COL4A1: variants seen among roughly 807,000 people sequenced by gnomAD.
COL4A1 encodes the protein collagen alpha-1(IV) chain.
COL4A1 carries 40 observed loss-of-function variants against 216.6 expected under a neutral mutation model. The ratio of observed to expected loss-of-function variants is 0.18; its 90% CI spans 0.14 to 0.24. COL4A1 has a LOEUF of 0.24. Ranked by LOEUF, COL4A1 falls within the 10% of genes least tolerant of loss-of-function variation. The pLI is 1.00. For synonymous variants in COL4A1, 839 were observed against 810.7 expected, an observed-to-expected ratio of 1.03 and a Z score of -0.59; for missense variants, 1,628 against 2,196.8, an observed-to-expected ratio of 0.74 and a Z score of 5.18.
intron 2 of COL4A1, among the ~76,000 whole-genome samples, chr13:110,218,123 T>TG: frequency 6.6e-6 from 1 of 152,038 alleles, no homozygotes. Context: ...CTTCTAAATG[T>TG]GGGGGGAAAA....
At chr13:110,217,171 G>A (rs1566382627) in intron 2 of COL4A1, among the ~76,000 whole-genome samples, 1 of 152,198 alleles carries the variant, frequency 6.6e-6, no homozygotes, top group Non-Finnish European at 1.5e-5. Context: ...AGAGCAAACG[G>A]ACAGAATAAG....
chr13:110,175,239 G>T lies in COL4A1; in HGVS notation c.3177C>A (p.Ile1059=), dbSNP rs1311820480. 6.2e-7 allele frequency: 1 copy of T among 1,614,076 alleles called. No homozygotes were observed. Among genetic ancestry groups the T allele is most frequent in the Non-Finnish European group, 8.5e-7 (1 of 1,180,022 alleles). The change falls in exon 37 of 52, where the codon ATC becomes ATA. Residue 1059 remains isoleucine, a synonymous_variant. Transcript: ENST00000375820. ...TTACCTTTTCACCTCGCAGCCCTGGGATGCCTATGCCAGGTGGGCCTGCCT... is the reference window on the plus strand; with the variant it reads ...TTACCTTTTCACCTCGCAGCCCTGGTATGCCTATGCCAGGTGGGCCTGCCT... ...KGQAGPPGIG[I]PGLRGEKGDQ...
chr13:110,219,658 A>G (rs561888973), intron 2 of COL4A1, among the ~76,000 whole-genome samples: 12 of 101,572 alleles, frequency 1.2e-4, no homozygotes, highest in African/African-American at 4.5e-4. Flanking sequence ...ATATATATAT[A>G]TATGTATATA....
chr13:110,182,047 A>G (rs1018359332), intron 28 of COL4A1, among the ~76,000 whole-genome samples: 1 of 152,226 alleles, frequency 6.6e-6, no homozygotes, highest in African/African-American at 2.4e-5. Flanking sequence ...CACAAAGCCA[A>G]GCAACTCCAT....
Position 110,252,613 on chromosome 13 carries a change from ATGTATAATTGTAT to A in COL4A1, c.85-9892_85-9880del, listed in dbSNP as rs1882168230. On this transcript the variant is annotated intron_variant, in intron 1 of 51. Transcript: ENST00000375820. ...AATTATACGTATATATGTATTATATATGTATAATTGTATATATTATATATACTTATATACAAAA... is the reference window on the plus strand; with the variant it reads ...AATTATACGTATATATGTATTATATAATATTATATATACTTATATACAAAA... Among the ~76,000 whole-genome samples, 7 of 65,306 alleles carry A rather than the reference ATGTATAATTGTAT, an allele frequency of 1.1e-4. 2 individuals carry two copies. The Admixed American group carries it at 1.3e-3, about 12-fold the overall frequency. The allele number at this position is 65,306 out of a possible 152,430, so 42.8% of individuals were successfully genotyped here.
chr13:110,293,777 C>T (rs911373947), intron 1 of COL4A1, among the ~76,000 whole-genome samples: 2 of 152,164 alleles, frequency 1.3e-5, no homozygotes, highest in Non-Finnish European at 1.5e-5. Flanking sequence ...CACATTATAC[C>T]CTTTCCCTTA....
At chr13:110,275,983 T>C (rs895462080) in intron 1 of COL4A1, among the ~76,000 whole-genome samples, 7 of 152,116 alleles carry the variant, frequency 4.6e-5, no homozygotes, top group African/African-American at 1.7e-4. Context: ...ACTATAATGA[T>C]GGATAGATGT....
At chr13:110,214,545 G>T (rs1297873689) in intron 2 of COL4A1, among the ~76,000 whole-genome samples, 1 of 152,178 alleles carries the variant, frequency 6.6e-6, no homozygotes, top group Non-Finnish European at 1.5e-5. Flanking sequence ...CTCACCCAGG[G>T]TGAGCAGGTG....
intron 1 of COL4A1, among the ~76,000 whole-genome samples, chr13:110,273,092 G>C (rs533144467): frequency 1.3e-5 from 2 of 152,212 alleles, no homozygotes; most frequent in Non-Finnish European, 2.9e-5. Flanking sequence ...GTAAATGGCT[G>C]CCTGATCATG....
intron 1 of COL4A1, among the ~76,000 whole-genome samples, chr13:110,283,561 C>T (rs1003835613): frequency 6.6e-6 from 1 of 152,232 alleles, no homozygotes; most frequent in African/African-American, 2.4e-5. Flanking sequence ...TGTATACAGA[C>T]ATCTGCATAT....
Position 110,210,129 on chromosome 13 carries a change from T to C in COL4A1, c.552A>G (p.Pro184=). Residue 184 remains proline, a splice_region_variant and synonymous_variant, in exon 9 of 52, where the codon CCA becomes CCG. Coordinates refer to ENST00000375820, the MANE Select transcript of COL4A1 (RefSeq NM_001845.6). ...ERGFPGIPGT[P]GPPGLPGLQG... ...TCATAATGATTCAGCAAATGCTTAC[T>C]GGAGTCCCTGGGATTCCGGGAAATC... 1 of 1,614,156 alleles carries C rather than the reference T, an allele frequency of 6.2e-7. No homozygotes were observed. Among genetic ancestry groups the C allele is most frequent in the Non-Finnish European group, 8.5e-7 (1 of 1,180,028 alleles).
chr13:110,209,037 C>T (rs976868394), intron 11 of COL4A1, 147 bp from the exon 12 acceptor site: 9 of 887,032 alleles, frequency 1.0e-5, no homozygotes, highest in Admixed American at 1.9e-5. Context: ...TGGAAAGTAA[C>T]GATCATGCTG....
chr13:110,161,644 C>A lies in COL4A1; in HGVS notation c.4463-275G>T, dbSNP rs16975420. ...TAGTAACAAATTGGGCAATGTCTTT[C>A]ACAACAGTTTTGCAGAAAATGCAGA... On this transcript the variant is annotated intron_variant, in intron 48 of 51. Coordinates refer to ENST00000375820, the MANE Select transcript of COL4A1 (RefSeq NM_001845.6). 0.14 allele frequency among the ~76,000 whole-genome samples: 21,973 copies of A among 152,282 alleles called. 1,783 individuals are homozygous for A. Among genetic ancestry groups the A allele is most frequent in the East Asian group, 0.33 (1,688 of 5,184 alleles).
At chr13:110,279,348 TG>T (rs1310742574) in intron 1 of COL4A1, among the ~76,000 whole-genome samples, 1 of 152,194 alleles carries the variant, frequency 6.6e-6, no homozygotes, top group African/African-American at 2.4e-5. Flanking sequence ...TTCCCAGTAC[TG>T]CTCCTCCCCA....
chr13:110,178,496 A>T (rs1594552553), intron 31 of COL4A1, among the ~76,000 whole-genome samples: 1 of 152,206 alleles, frequency 6.6e-6, no homozygotes, highest in East Asian at 1.9e-4. Context: ...TTGTCGCAGT[A>T]CTTAGGACTA....
At chr13:110,219,858 ATATATGTGTGTGTATATATG>A (rs1566385866) in intron 2 of COL4A1, among the ~76,000 whole-genome samples, 45 of 88,440 alleles carry the variant, frequency 5.1e-4, no homozygotes, top group African/African-American at 2.0e-3. Flanking sequence ...ATATATATGT[ATATATGTGTGTGTATATATG>A]TATATATATG....
chr13:110,235,459 G>A (rs1350070084), intron 2 of COL4A1, among the ~76,000 whole-genome samples: 1 of 152,076 alleles, frequency 6.6e-6, no homozygotes, highest in Non-Finnish European at 1.5e-5. Context: ...GACCTTCCTG[G>A]CTAACAGGGT....
intron 27 of COL4A1, 28 bp downstream of exon 27, chr13:110,183,156 T>C: frequency 6.2e-7 from 1 of 1,613,330 alleles, no homozygotes. Flanking sequence ...TCTCGTGGTA[T>C]CCCGGTGAGC....
chr13:110,212,688 C>T, intron 4 of COL4A1, 70 bp from the exon 5 acceptor site: 4 of 1,561,060 alleles, frequency 2.6e-6, no homozygotes, highest in Non-Finnish European at 3.5e-6. Context: ...CTGCATCTCC[C>T]CGGTTAATGG....
Sources: gnomAD v4.1 joint callset for allele counts (sites outside exome capture counted in the v4.1 genomes callset) on GRCh38, gnomAD v4.1.1 for gene constraint, MANE v1.5 for transcripts, NCBI Gene and HGNC (gene_info 2026-07-23, HGNC 2026-07-21) for gene names.